Variants in GRM7 observed in about 807,000 individuals in gnomAD.
GRM7 encodes metabotropic glutamate receptor 7.
A neutral mutation model predicts 84.5 loss-of-function variants in GRM7; 35 were observed. The ratio of observed to expected loss-of-function variants is 0.41; its 90% CI spans 0.32 to 0.55. The LOEUF (loss-of-function observed/expected upper bound fraction) is 0.55, where lower values mean the gene tolerates loss of function less well. Among genes scored for constraint, GRM7 ranks in the 20% least tolerant of loss-of-function variants. The pLI is 0.19. For missense variants in GRM7, 1,003 were observed against 1,194.6 expected (o/e 0.84, Z 2.36); for synonymous variants, 487 against 455.1 (o/e 1.07, Z -0.89).
chr3:7,174,983 T>C (rs1695098134), intron 2 of GRM7, among the ~76,000 whole-genome samples: 1 of 152,162 alleles, frequency 6.6e-6, no homozygotes, highest in African/African-American at 2.4e-5. Flanking sequence ...ACATTAAATG[T>C]CCCAGCACAA....
At chr3:7,673,889 T>G (rs1700029728) in intron 8 of GRM7, among the ~76,000 whole-genome samples, 1 of 152,216 alleles carries the variant, frequency 6.6e-6, no homozygotes, top group Non-Finnish European at 1.5e-5. Flanking sequence ...ATAGATCAAT[T>G]TCTTCAGGAT....
chr3:7,363,393 A>G (rs192445176), intron 4 of GRM7, among the ~76,000 whole-genome samples: 7 of 152,202 alleles, frequency 4.6e-5, no homozygotes, highest in African/African-American at 7.2e-5. Flanking sequence ...AGAAAAATCT[A>G]TGTTATTTAC....
intron 8 of GRM7, among the ~76,000 whole-genome samples, chr3:7,625,295 T>C (rs1697557582): frequency 6.6e-6 from 1 of 152,046 alleles, no homozygotes; most frequent in Non-Finnish European, 1.5e-5. Context: ...CAAGATTCGC[T>C]TGAGGAAGCA....
chr3:7,378,847 G>C (rs1387942562), intron 4 of GRM7, among the ~76,000 whole-genome samples: 1 of 152,128 alleles, frequency 6.6e-6, no homozygotes, highest in East Asian at 1.9e-4. Flanking sequence ...GCGTTTGAAA[G>C]AGAATCCCAG....
chr3:7,010,644 T>C (rs1695338476), intron 1 of GRM7, among the ~76,000 whole-genome samples: 2 of 152,130 alleles, frequency 1.3e-5, no homozygotes, highest in Admixed American at 6.5e-5. Flanking sequence ...GATTTTTGCT[T>C]AAGTAGAATA....
At chr3:7,445,039 C>T (rs1228175372) in intron 5 of GRM7, among the ~76,000 whole-genome samples, 2 of 152,162 alleles carry the variant, frequency 1.3e-5, no homozygotes, top group Non-Finnish European at 2.9e-5. Flanking sequence ...CTTCCTTCCT[C>T]TGCTGGCCTT....
At chr3:7,549,501 G>C (rs1693337075) in intron 7 of GRM7, among the ~76,000 whole-genome samples, 1 of 152,148 alleles carries the variant, frequency 6.6e-6, no homozygotes, top group Admixed American at 6.5e-5. Flanking sequence ...CTGTATGTGG[G>C]GAGAGGGAGA....
chr3:7,131,274 C>G (rs1158171528), intron 1 of GRM7, among the ~76,000 whole-genome samples: 1 of 152,016 alleles, frequency 6.6e-6, no homozygotes, highest in Non-Finnish European at 1.5e-5. Context: ...CCATGAAAAC[C>G]TTTTGTCACA....
chr3:7,065,133 G>T (rs747644577), intron 1 of GRM7, among the ~76,000 whole-genome samples: 12 of 151,926 alleles, frequency 7.9e-5, no homozygotes, highest in Non-Finnish European at 1.3e-4. Flanking sequence ...CTCCAACTCT[G>T]TGGGTTGTCT....
At chr3:7,204,516 G>A (rs764069886) in intron 2 of GRM7, among the ~76,000 whole-genome samples, 58 of 152,314 alleles carry the variant, frequency 3.8e-4, no homozygotes, top group South Asian at 6.2e-4. Flanking sequence ...AAATGATTCC[G>A]TTAGCTTAGT....
At chr3:7,038,523 C>T (rs1197044857) in intron 1 of GRM7, among the ~76,000 whole-genome samples, 2 of 152,062 alleles carry the variant, frequency 1.3e-5, no homozygotes, top group East Asian at 1.9e-4. Flanking sequence ...TCAGAGCTCA[C>T]GGATAAGGAA....
At chr3:6,957,901 C>T (rs1273938358) in intron 1 of GRM7, among the ~76,000 whole-genome samples, 7 of 152,120 alleles carry the variant, frequency 4.6e-5, no homozygotes. Context: ...ATGCATTTTA[C>T]AAAGATAAAG....
intron 7 of GRM7, among the ~76,000 whole-genome samples, chr3:7,530,433 A>T (rs2125003594): frequency 6.6e-6 from 1 of 152,314 alleles, no homozygotes; most frequent in African/African-American, 2.4e-5. Context: ...TAGTAGAATG[A>T]TTTATAATCC....
intron 1 of GRM7, among the ~76,000 whole-genome samples, chr3:6,981,441 A>T (rs1334725716): frequency 6.6e-6 from 1 of 152,188 alleles, no homozygotes; most frequent in Admixed American, 6.5e-5. Flanking sequence ...AGGCTCCATG[A>T]GTATCTTCGT....
At chr3:7,422,431 A>G (rs576973678) in intron 5 of GRM7, among the ~76,000 whole-genome samples, 2 of 152,280 alleles carry the variant, frequency 1.3e-5, no homozygotes, top group East Asian at 3.9e-4. Flanking sequence ...TTAAAACGTA[A>G]ACAGCCACAT....
At chr3:7,300,316 G>A (rs1416225961) in intron 3 of GRM7, among the ~76,000 whole-genome samples, 1 of 152,120 alleles carries the variant, frequency 6.6e-6, no homozygotes. Flanking sequence ...GTGTATCCTA[G>A]ACACTGCTCC....
At chr3:7,716,667 A>T (rs1701780856) in intron 9 of GRM7, among the ~76,000 whole-genome samples, 1 of 152,196 alleles carries the variant, frequency 6.6e-6, no homozygotes, top group African/African-American at 2.4e-5. Flanking sequence ...TCCTACTCCC[A>T]TGGGTTGAAT....
chr3:7,112,084 A>G (rs1324264703), intron 1 of GRM7, among the ~76,000 whole-genome samples: 2 of 152,178 alleles, frequency 1.3e-5, no homozygotes, highest in Non-Finnish European at 2.9e-5. Flanking sequence ...TTAACACTGC[A>G]TGTGGCAAAG....
At chr3:7,467,248 C>A (rs1479047288) in intron 7 of GRM7, among the ~76,000 whole-genome samples, 1 of 152,100 alleles carries the variant, frequency 6.6e-6, no homozygotes, top group Non-Finnish European at 1.5e-5. Flanking sequence ...CCACCACACC[C>A]AGCTAATTTT....
Sources: gnomAD v4.1 joint callset for allele counts (sites outside exome capture counted in the v4.1 genomes callset) on GRCh38, gnomAD v4.1.1 for gene constraint, MANE v1.5 for transcripts, NCBI Gene and HGNC (gene_info 2026-07-23, HGNC 2026-07-21) for gene names.